Variants in PDE6C observed in about 807,000 individuals in gnomAD.
The protein encoded by PDE6C is phosphodiesterase 6C.
A neutral mutation model predicts 113.1 loss-of-function variants in PDE6C; 75 were observed. That is an observed-to-expected ratio of 0.66 (90% CI 0.55 to 0.80). The LOEUF (loss-of-function observed/expected upper bound fraction) is 0.80, where lower values mean the gene tolerates loss of function less well. Among genes scored for constraint, PDE6C ranks in the 30% least tolerant of loss-of-function variants. The pLI, the probability that PDE6C is intolerant of heterozygous loss-of-function variation, is 0.00. For synonymous variants in PDE6C, 375 were observed against 363.7 expected (o/e 1.03, Z -0.35); for missense variants, 912 against 1,038.6 (o/e 0.88, Z 1.67).
At chr10:93,635,003 C>A in intron 9 of PDE6C, 96 bp downstream of exon 9, 1 of 1,299,556 alleles carries the variant, frequency 7.7e-7, no homozygotes, top group Non-Finnish European at 1.1e-6. Flanking sequence ...TTTTGAAGGG[C>A]CATTAAGACA....
chr10:93,652,019 ATGTG>A (rs371473946), intron 15 of PDE6C, among the ~76,000 whole-genome samples: 1 of 151,366 alleles, frequency 6.6e-6, no homozygotes, highest in Non-Finnish European at 1.5e-5. Context: ...GTGTGTGTGC[ATGTG>A]TGTGTGTGTG....
Position 93,641,003 on chromosome 10 carries a change from A to T in PDE6C, c.1821A>T (p.Arg607Ser), listed in dbSNP as rs368058447. Residue 607 changes from arginine to serine, a missense_variant, in exon 14 of 22, where the codon AGA becomes AGT. Transcript: ENST00000371447. Reference protein sequence around the residue: ...AAAFCHDIDHRGTNNLYQMKS... With the variant: ...AAAFCHDIDHSGTNNLYQMKS... The stretch of plus-strand genomic sequence containing the variant: ...CTTTCTGCCATGATATTGACCACAG[A>T]GGCACCAATAATTTGTACCAGATGA... The T allele has an allele frequency of 7.5e-6, 12 of 1,609,278 alleles. No homozygotes were observed. Among genetic ancestry groups the T allele is most frequent in the Non-Finnish European group, 1.0e-5 (12 of 1,175,600 alleles).
intron 1 of PDE6C, among the ~76,000 whole-genome samples, chr10:93,618,567 G>A (rs2093007051): frequency 6.6e-6 from 1 of 152,132 alleles, no homozygotes. Flanking sequence ...TGGAGTGAGG[G>A]GCTGCCTTTA....
chr10:93,622,391 A>C (rs2134595612), intron 4 of PDE6C, among the ~76,000 whole-genome samples: 1 of 152,026 alleles, frequency 6.6e-6, no homozygotes, highest in South Asian at 2.1e-4. Context: ...CTCCTCTCCC[A>C]GTTTCCCTGT....
intron 18 of PDE6C, among the ~76,000 whole-genome samples, chr10:93,659,541 G>A (rs554634948): frequency 3.6e-4 from 55 of 152,128 alleles, no homozygotes; most frequent in Non-Finnish European, 7.3e-4. Context: ...CCACATGGCT[G>A]GGGAGGCCTC....
intron 7 of PDE6C, 82 bp from the exon 8 acceptor site, chr10:93,629,176 C>A (rs1232926115): frequency 3.5e-6 from 4 of 1,145,822 alleles, no homozygotes; most frequent in Admixed American, 1.7e-5. Context: ...ACTCCCAATG[C>A]GTTCTTTCTT....
chr10:93,613,997 T>C (rs1343228824), intron 1 of PDE6C, among the ~76,000 whole-genome samples: 1 of 152,162 alleles, frequency 6.6e-6, no homozygotes, highest in Non-Finnish European at 1.5e-5. Context: ...TTTAAACAAT[T>C]ATAAGATACA....
intron 11 of PDE6C, 82 bp from the exon 12 acceptor site, chr10:93,639,988 G>GT (rs2058551183): frequency 7.0e-7 from 1 of 1,420,354 alleles, no homozygotes; most frequent in Non-Finnish European, 1.0e-6. Flanking sequence ...TGTAATTTTG[G>GT]TTTACACCCA....
At chr10:93,652,601 A>G (rs1412396398) in intron 15 of PDE6C, among the ~76,000 whole-genome samples, 1 of 152,212 alleles carries the variant, frequency 6.6e-6, no homozygotes, top group Non-Finnish European at 1.5e-5. Context: ...AAAGTAAGAT[A>G]GTTTTTGATA....
chr10:93,646,701 C>G (rs1469825000), intron 15 of PDE6C, among the ~76,000 whole-genome samples: 1 of 152,114 alleles, frequency 6.6e-6, no homozygotes, highest in Non-Finnish European at 1.5e-5. Flanking sequence ...ATAACCAGAT[C>G]TCATGAGAAT....
Position 93,639,758 on chromosome 10 carries a change from A to C in PDE6C, c.1483-312A>C, listed in dbSNP as rs139802915. 4.7e-3 allele frequency among the ~76,000 whole-genome samples: 710 copies of C among 152,356 alleles called. 14 individuals are homozygous for C. The highest frequency in any genetic ancestry group is 0.016 in the African/African-American group (684 of 41,582). On this transcript the variant is annotated intron_variant, in intron 11 of 21. Coordinates refer to ENST00000371447, the MANE Select transcript of PDE6C (RefSeq NM_006204.4). ...AAAATGAGTAAGGCTTTTGTAACTA[A>C]ACATTTTATTTTGCATCATTGAAAG...
chr10:93,662,299 C>T (rs1361724656), intron 19 of PDE6C, among the ~76,000 whole-genome samples, 166 bp downstream of exon 19: 1 of 151,762 alleles, frequency 6.6e-6, no homozygotes, highest in Non-Finnish European at 1.5e-5. Flanking sequence ...CCCGTTTCTA[C>T]TAAAAATACA....
At chr10:93,641,943 C>T (rs945330198) in intron 14 of PDE6C, among the ~76,000 whole-genome samples, 2 of 152,202 alleles carry the variant, frequency 1.3e-5, no homozygotes, top group African/African-American at 2.4e-5. Flanking sequence ...CTTTCTAAGC[C>T]TCAATTTCCT....
intron 3 of PDE6C, 62 bp downstream of exon 3, chr10:93,621,042 C>A: frequency 7.3e-7 from 1 of 1,369,438 alleles, no homozygotes; most frequent in Non-Finnish European, 1.0e-6. Flanking sequence ...CGCCCAGAGA[C>A]AACAAATTCA....
At chr10:93,665,164 T>A (rs2058684575) in intron 21 of PDE6C, among the ~76,000 whole-genome samples, 196 bp from the exon 22 acceptor site, 1 of 152,148 alleles carries the variant, frequency 6.6e-6, no homozygotes, top group African/African-American at 2.4e-5. Context: ...CCACTGCACC[T>A]AACCCAGATT....
At chr10:93,628,306 TG>T (rs1349793589) in intron 7 of PDE6C, among the ~76,000 whole-genome samples, 1 of 152,110 alleles carries the variant, frequency 6.6e-6, no homozygotes, top group Non-Finnish European at 1.5e-5. Context: ...CTATGATAGC[TG>T]GGTGTGGTGG....
At chr10:93,662,688 G>T in intron 20 of PDE6C, 45 bp downstream of exon 20, 2 of 956,066 alleles carry the variant, frequency 2.1e-6, no homozygotes, top group South Asian at 1.3e-5. Context: ...ACATTTGGAT[G>T]AGAAATTTTC....
At chr10:93,654,786 CTTTCTTTCTTTCTTTCTTTCTTTCTTT>C (rs2058626654) in intron 15 of PDE6C, among the ~76,000 whole-genome samples, 2 of 71,350 alleles carry the variant, frequency 2.8e-5, no homozygotes, top group African/African-American at 8.4e-5. Context: ...TTCTTTCTTT[CTTTCTTTCTTTCTTTCTTTCTTTCTTT>C]TTTTTTTTTT....
chr10:93,613,238 T>A (rs2058401510), intron 1 of PDE6C, 33 bp downstream of exon 1: 1 of 1,612,950 alleles, frequency 6.2e-7, no homozygotes, highest in Non-Finnish European at 8.5e-7. Flanking sequence ...GGCAGAGGTC[T>A]TGGCAGGGTC....
Sources: allele counts gnomAD v4.1 joint callset (sites outside exome capture counted in the v4.1 genomes callset), GRCh38; gene constraint gnomAD v4.1.1; transcripts MANE v1.5; gene names NCBI Gene and HGNC (gene_info 2026-07-23, HGNC 2026-07-21).